RPS6KA3: variants seen among roughly 807,000 people sequenced by gnomAD.
The protein encoded by RPS6KA3 is ribosomal protein S6 kinase alpha-3.
A neutral mutation model predicts 67.2 loss-of-function variants in RPS6KA3; 4 were observed. The ratio of observed to expected loss-of-function variants is 0.06; its 90% CI spans 0.03 to 0.14. The LOEUF is 0.14. Among genes scored for constraint, RPS6KA3 ranks in the 10% least tolerant of loss-of-function variants. The probability of loss-of-function intolerance (pLI) is 1.00; values close to 1 mark genes in which losing one functional copy is unlikely to be tolerated. For synonymous variants in RPS6KA3, 182 were observed against 183.7 expected (o/e 0.99, Z 0.07); for missense variants, 204 against 559.0 (o/e 0.36, Z 6.40).
In RPS6KA3 at chrX:20,189,904, GTTTC is replaced by G. The variant is rs1038473811; in HGVS notation, c.594-1374_594-1371del. On this transcript the variant is annotated intron_variant, in intron 7 of 21. Transcript: ENST00000379565. ...AATTCAGTAGGGACATGTTTTTCAA[GTTTC>G]TTTTATCATAAGCACCTGTTATGAA... Among the ~76,000 whole-genome samples, 73 of 111,581 alleles carry G rather than the reference GTTTC, an allele frequency of 6.5e-4. 1 individual carries two copies. Among genetic ancestry groups the G allele is most frequent in the African/African-American group, 1.9e-3 (59 of 30,781 alleles).
intron 1 of RPS6KA3, among the ~76,000 whole-genome samples, chrX:20,242,272 TA>T (rs758164875): frequency 0.01 from 1,159 of 112,103 alleles, 6 homozygotes; most frequent in Middle Eastern, 0.019. Flanking sequence ...CCATTAGTTT[TA>T]GTAGTTATCC....
In RPS6KA3 at chrX:20,266,747, G is replaced by GGCAGCGGCAGCGGCAGCAGCAGCA. The variant is rs2070403619; in HGVS notation, c.-116_-115insTGCTGCTGCTGCCGCTGCCGCTGC. ...CAGCGGCGGCGGCGGCGGCGGCGGCGGCAGCGGCAGCGGCAGCGGCAGCAG... is the reference window on the plus strand; with the variant it reads ...CAGCGGCGGCGGCGGCGGCGGCGGCGGCAGCGGCAGCGGCAGCAGCAGCAGCAGCGGCAGCGGCAGCGGCAGCAG... On this transcript the variant is annotated 5_prime_UTR_variant, in exon 1 of 22. Transcript: ENST00000379565. 4.9e-5 allele frequency: 1 copy of GGCAGCGGCAGCGGCAGCAGCAGCA among 20,417 alleles called. No homozygotes were observed. Among genetic ancestry groups the GGCAGCGGCAGCGGCAGCAGCAGCA allele is most frequent in the Non-Finnish European group, 5.6e-5 (1 of 17,985 alleles). 1.7% of individuals were successfully genotyped at this position (20,417 alleles called of 1,213,427 possible). A position where few individuals can be genotyped will look rare whatever the true frequency, so the allele number is the denominator to read the frequency against.
intron 10 of RPS6KA3, among the ~76,000 whole-genome samples, chrX:20,180,519 C>A (rs978895799): frequency 8.9e-6 from 1 of 112,065 alleles, no homozygotes; most frequent in Non-Finnish European, 1.9e-5. Flanking sequence ...TGATCAATGA[C>A]AACTTGCCTG....
chrX:20,256,847 T>G (rs1306167827), intron 1 of RPS6KA3, among the ~76,000 whole-genome samples: 4 of 112,087 alleles, frequency 3.6e-5, no homozygotes, highest in Non-Finnish European at 7.5e-5. Flanking sequence ...TTTATATATG[T>G]GAGAAGTCAC....
chrX:20,186,202 A>G, intron 10 of RPS6KA3, 94 bp downstream of exon 10: 2 of 623,114 alleles, frequency 3.2e-6, no homozygotes, highest in Non-Finnish European at 2.7e-6. Context: ...TTGCCCTCCC[A>G]AAGTGCTGGG....
chrX:20,199,194 T>C (rs2068357025), intron 4 of RPS6KA3, among the ~76,000 whole-genome samples: 1 of 112,106 alleles, frequency 8.9e-6, no homozygotes. Context: ...TAGAGATATA[T>C]ACTAAAATAT....
intron 1 of RPS6KA3, among the ~76,000 whole-genome samples, chrX:20,239,980 G>T (rs896923209): frequency 1.8e-5 from 2 of 111,198 alleles, no homozygotes; most frequent in African/African-American, 6.5e-5. Flanking sequence ...GCTGCTGTTT[G>T]ATACCTCTGA....
At chrX:20,261,164 G>T (rs954092524) in intron 1 of RPS6KA3, among the ~76,000 whole-genome samples, 8 of 110,057 alleles carry the variant, frequency 7.3e-5, no homozygotes, top group Non-Finnish European at 1.3e-4. Flanking sequence ...GAGGGGGTGG[G>T]GGTGAAGAAA....
At chrX:20,193,724 T>G in intron 6 of RPS6KA3, 131 bp from the exon 7 acceptor site, 1 of 450,230 alleles carries the variant, frequency 2.2e-6, no homozygotes, top group African/African-American at 2.4e-5. Context: ...TGTTTACAAT[T>G]TATTCGTGAA....
chrX:20,266,269 C>T (rs1363763736), intron 1 of RPS6KA3, among the ~76,000 whole-genome samples: 1 of 111,299 alleles, frequency 9.0e-6, no homozygotes, highest in Non-Finnish European at 1.9e-5. Context: ...TCCCGCTTCC[C>T]CCACGCAAAG....
At chrX:20,239,728 G>C (rs1359209437) in intron 1 of RPS6KA3, among the ~76,000 whole-genome samples, 1 of 111,216 alleles carries the variant, frequency 9.0e-6, no homozygotes, top group Non-Finnish European at 1.9e-5. Flanking sequence ...CTTTCAGCAG[G>C]AATTGTTTTC....
At chrX:20,236,887 T>C (rs1481776626) in intron 1 of RPS6KA3, among the ~76,000 whole-genome samples, 3 of 111,811 alleles carry the variant, frequency 2.7e-5, no homozygotes, top group Admixed American at 9.5e-5. Context: ...GTTGTTCTTA[T>C]CCAAATGTCC....
chrX:20,197,364 T>A (rs1344842530), intron 4 of RPS6KA3, among the ~76,000 whole-genome samples: 4 of 112,477 alleles, frequency 3.6e-5, no homozygotes, highest in Non-Finnish European at 5.6e-5. Context: ...ATCAAAAATA[T>A]CCACTAATAA....
At chrX:20,220,304 T>C (rs774625803) in intron 2 of RPS6KA3, among the ~76,000 whole-genome samples, 3 of 111,996 alleles carry the variant, frequency 2.7e-5, no homozygotes, top group Non-Finnish European at 5.6e-5. Flanking sequence ...GATAGAACTT[T>C]GAATTCCGCC....
At chrX:20,160,417 TTTTA>T (rs1267088586) in intron 20 of RPS6KA3, among the ~76,000 whole-genome samples, 7 of 111,968 alleles carry the variant, frequency 6.3e-5, no homozygotes, top group African/African-American at 1.9e-4. Flanking sequence ...TAACATTTCA[TTTTA>T]TTTATTTATT....
Position 20,152,056 on chromosome X carries a change from A to C in RPS6KA3, c.*3342T>G, listed in dbSNP as rs762989095. On this transcript the variant is annotated 3_prime_UTR_variant, in exon 22 of 22. Coordinates refer to ENST00000379565, the MANE Select transcript of RPS6KA3 (RefSeq NM_004586.3). The stretch of plus-strand genomic sequence containing the variant: ...GACCCAAACCCGCTTTTTGGAGTAC[A>C]CTGCATGTGAAATGTGGAAACTCTA... The C allele has an allele frequency of 4.5e-5, 5 of 112,305 alleles. No homozygotes were observed. The highest frequency in any genetic ancestry group is 4.6e-3 in the Middle Eastern group (1 of 217). The allele number at this position is 112,305 out of a possible 1,213,427, so 9.3% of individuals were successfully genotyped here. A position where few individuals can be genotyped will look rare whatever the true frequency, so the allele number is the denominator to read the frequency against.
chrX:20,197,937 C>A (rs1037180239), intron 4 of RPS6KA3, among the ~76,000 whole-genome samples: 114 of 111,532 alleles, frequency 1.0e-3, no homozygotes, highest in African/African-American at 3.7e-3. Context: ...TTGACTGAAC[C>A]TGAGAATGAA....
At chrX:20,249,700 G>A (rs149418596) in intron 1 of RPS6KA3, among the ~76,000 whole-genome samples, 15 of 111,812 alleles carry the variant, frequency 1.3e-4, no homozygotes, top group African/African-American at 3.6e-4. Context: ...ATACAAGTCC[G>A]GTCTCAGTTA....
intron 15 of RPS6KA3, among the ~76,000 whole-genome samples, chrX:20,171,677 T>C (rs2067577763): frequency 9.0e-6 from 1 of 111,619 alleles, no homozygotes; most frequent in Non-Finnish European, 1.9e-5. Context: ...TTAGGCATAG[T>C]CCTCAAGGTT....
Sources: gnomAD v4.1 joint callset for allele counts (sites outside exome capture counted in the v4.1 genomes callset) on GRCh38, gnomAD v4.1.1 for gene constraint, MANE v1.5 for transcripts, NCBI Gene and HGNC (gene_info 2026-07-23, HGNC 2026-07-21) for gene names.